The following ERCC6L2 variants were observed in gnomAD, a reference collection of about 807,000 sequenced individuals.
ERCC6L2 encodes DNA excision repair protein ERCC-6-like 2.
ERCC6L2 carries 77 observed loss-of-function variants against 132.0 expected under a neutral mutation model. The ratio of observed to expected loss-of-function variants is 0.58; its 90% CI spans 0.49 to 0.71. The LOEUF (loss-of-function observed/expected upper bound fraction) is 0.71, where lower values mean the gene tolerates loss of function less well. Among genes scored for constraint, ERCC6L2 ranks in the 30% least tolerant of loss-of-function variants. The probability of loss-of-function intolerance (pLI) is 0.00; values close to 1 mark genes in which losing one functional copy is unlikely to be tolerated. For missense variants in ERCC6L2, 1,542 were observed against 1,837.6 expected, an observed-to-expected ratio of 0.84 and a Z score of 2.94; for synonymous variants, 583 against 632.4, an observed-to-expected ratio of 0.92 and a Z score of 1.17.
chr9:95,996,461 A>G (rs1833474949), intron 17 of ERCC6L2, among the ~76,000 whole-genome samples: 1 of 152,240 alleles, frequency 6.6e-6, no homozygotes, highest in Non-Finnish European at 1.5e-5. Context: ...TAAACAATAG[A>G]TTTTCAATGA....
intron 17 of ERCC6L2, among the ~76,000 whole-genome samples, chr9:95,987,086 A>G (rs1021392759): frequency 2.0e-5 from 3 of 152,126 alleles, no homozygotes; most frequent in Non-Finnish European, 2.9e-5. Context: ...CTGTGATTCA[A>G]TTATCTCCCA....
chr9:96,019,524 CCT>C (rs1834247944), downstream of ERCC6L2, among the ~76,000 whole-genome samples: 1 of 152,226 alleles, frequency 6.6e-6, no homozygotes, highest in Admixed American at 6.5e-5. Context: ...TCGACAGCTC[CCT>C]CTCTCAGCTT....
At chr9:96,007,291 A>C (rs1185194903) in intron 18 of ERCC6L2, among the ~76,000 whole-genome samples, 2 of 152,276 alleles carry the variant, frequency 1.3e-5, no homozygotes, top group East Asian at 3.9e-4. Flanking sequence ...TAAACTTGGG[A>C]GTAGGGGCTA....
intron 3 of ERCC6L2, among the ~76,000 whole-genome samples, chr9:95,901,541 G>T (rs1828778154): frequency 6.6e-6 from 1 of 151,970 alleles, no homozygotes; most frequent in Admixed American, 6.6e-5. Context: ...GTTTTGTTTT[G>T]CTTGTTGTTG....
At chr9:95,882,134 C>T (rs565977308) in intron 2 of ERCC6L2, among the ~76,000 whole-genome samples, 6 of 152,184 alleles carry the variant, frequency 3.9e-5, no homozygotes, top group Non-Finnish European at 8.8e-5. Flanking sequence ...CATGGGGCAT[C>T]TCACACAAGG....
intron 18 of ERCC6L2, 63 bp from the exon 19 acceptor site, chr9:96,012,162 A>G (rs1834046994): frequency 9.4e-7 from 1 of 1,067,276 alleles, no homozygotes; most frequent in Non-Finnish European, 1.2e-6. Context: ...CTTACTGGTG[A>G]TGAGTTCTTT....
At chr9:96,035,624 G>A (rs1054543019) in intron 19 of ERCC6L2, among the ~76,000 whole-genome samples, 2 of 152,330 alleles carry the variant, frequency 1.3e-5, no homozygotes, top group Non-Finnish European at 1.5e-5. Context: ...CTACAGAGGG[G>A]AGCTATCCAC....
At chr9:96,037,998 G>A (rs939000338) in intron 19 of ERCC6L2, among the ~76,000 whole-genome samples, 101 of 152,138 alleles carry the variant, frequency 6.6e-4, no homozygotes, top group African/African-American at 2.3e-3. Context: ...AAGCCAGGAA[G>A]GTAGAGGCTG....
chr9:95,985,173 C>T (rs527718879), intron 17 of ERCC6L2, among the ~76,000 whole-genome samples: 7 of 152,282 alleles, frequency 4.6e-5, no homozygotes, highest in Admixed American at 1.3e-4. Flanking sequence ...ATGTGGTATA[C>T]CTGTCACTGT....
In ERCC6L2 at chr9:95,941,493, T is replaced by C; in HGVS notation, c.1791T>C (p.Val597=). 2 of 1,613,474 alleles carry C rather than the reference T, an allele frequency of 1.2e-6. No individual in the cohort carries two copies. The highest frequency in any genetic ancestry group is 1.7e-6 in the Non-Finnish European group (2 of 1,179,694). Residue 597 remains valine, a synonymous_variant, in exon 12 of 19, where the codon GTT becomes GTC. Coordinates refer to ENST00000653738, the MANE Select transcript of ERCC6L2 (RefSeq NM_020207.7). ...GCCTCAATTTTGTCGGTGCCAATGT[T>C]GTTGTATTATTTGATCCTACTTGGA... The part of the protein sequence containing the change: ...GLGLNFVGAN[V]VVLFDPTWNP...
intron 1 of ERCC6L2, among the ~76,000 whole-genome samples, chr9:95,877,909 A>T (rs2132496102): frequency 6.6e-6 from 1 of 152,364 alleles, no homozygotes; most frequent in Admixed American, 6.5e-5. Context: ...ATAACAGTAC[A>T]AACTTTTCTT....
chr9:95,921,487 A>G (rs1829866854), intron 7 of ERCC6L2, among the ~76,000 whole-genome samples, 172 bp downstream of exon 7: 1 of 152,252 alleles, frequency 6.6e-6, no homozygotes, highest in African/African-American at 2.4e-5. Context: ...GTAATCACAT[A>G]TAAAATACAA....
intron 19 of ERCC6L2, among the ~76,000 whole-genome samples, chr9:96,031,947 G>A (rs1043567047): frequency 9.2e-5 from 14 of 152,298 alleles, no homozygotes; most frequent in African/African-American, 1.9e-4. Context: ...CACTGACTTT[G>A]GACAACATTG....
At chr9:95,953,832 AG>A (rs1831464398) in intron 12 of ERCC6L2, among the ~76,000 whole-genome samples, 1 of 152,166 alleles carries the variant, frequency 6.6e-6, no homozygotes, top group Middle Eastern at 3.2e-3. Context: ...GTCTAATCTG[AG>A]GGAAAAAGTC....
chr9:95,960,161 A>T (rs1831834147), intron 13 of ERCC6L2, among the ~76,000 whole-genome samples: 1 of 152,158 alleles, frequency 6.6e-6, no homozygotes, highest in African/African-American at 2.4e-5. Context: ...TTCAGAAGAA[A>T]GTCCCTCCTG....
intron 17 of ERCC6L2, among the ~76,000 whole-genome samples, chr9:95,992,282 G>C (rs985823138): frequency 6.6e-6 from 1 of 152,138 alleles, no homozygotes; most frequent in African/African-American, 2.4e-5. Flanking sequence ...TAAATTTTCA[G>C]TAGATATAAC....
At chr9:95,913,475 T>C (rs1260353257) in intron 4 of ERCC6L2, among the ~76,000 whole-genome samples, 1 of 152,056 alleles carries the variant, frequency 6.6e-6, no homozygotes, top group Non-Finnish European at 1.5e-5. Context: ...GCTTGCTTTC[T>C]CTCTTTCTCT....
intron 12 of ERCC6L2, among the ~76,000 whole-genome samples, 188 bp downstream of exon 12, chr9:95,941,737 A>G (rs1471291463): frequency 1.3e-5 from 2 of 152,176 alleles, no homozygotes; most frequent in African/African-American, 2.4e-5. Context: ...TTTTTCATCC[A>G]TCTCAGAATC....
chr9:95,996,503 C>T (rs1262412397), intron 17 of ERCC6L2, among the ~76,000 whole-genome samples: 4 of 152,214 alleles, frequency 2.6e-5, no homozygotes, highest in Non-Finnish European at 5.9e-5. Context: ...GAAGATGTTA[C>T]CTAGGATTTT....
Sources: allele counts gnomAD v4.1 joint callset (sites outside exome capture counted in the v4.1 genomes callset), GRCh38; gene constraint gnomAD v4.1.1; transcripts MANE v1.5; gene names NCBI Gene and HGNC (gene_info 2026-07-23, HGNC 2026-07-21).